The following SYNJ1 variants were observed in gnomAD, a reference collection of about 807,000 sequenced individuals.
SYNJ1 encodes polyphosphatidylinositol phosphatase SYNJ1.
SYNJ1 carries 78 observed loss-of-function variants against 168.2 expected under a neutral mutation model. The observed-to-expected ratio is 0.46, with a 90% CI of 0.39 to 0.56. SYNJ1 has a LOEUF of 0.56. SYNJ1 is among the 20% of genes least tolerant of loss of function. SYNJ1 has a pLI of 0.00. For missense variants in SYNJ1, 1,303 were observed against 1,597.6 expected (o/e 0.82, Z 3.14); for synonymous variants, 539 against 548.6 (o/e 0.98, Z 0.24).
intron 12 of SYNJ1, among the ~76,000 whole-genome samples, chr21:32,678,160 A>G (rs555489237): frequency 1.3e-5 from 2 of 152,282 alleles, no homozygotes; most frequent in African/African-American, 4.8e-5. Flanking sequence ...AATAATTAGC[A>G]CTACTTTAAA....
intron 6 of SYNJ1, among the ~76,000 whole-genome samples, chr21:32,689,935 C>T (rs1208145742): frequency 6.6e-6 from 1 of 152,214 alleles, no homozygotes; most frequent in Admixed American, 6.5e-5. Flanking sequence ...TTTTAGACTG[C>T]AGAAAACTCA....
rs2409460 is a variant in SYNJ1, at chr21:32,654,363, T to C, written c.2796-997A>G. Reference sequence around the variant, plus strand: ...ATCCCACAGATATGACCAAGGCAACTGACTCAATTTCTTTGGCATAAAACT... The same window carrying C: ...ATCCCACAGATATGACCAAGGCAACCGACTCAATTTCTTTGGCATAAAACT... On this transcript the variant is annotated intron_variant, in intron 21 of 32. Coordinates refer to ENST00000674351, the MANE Select transcript of SYNJ1 (RefSeq NM_203446.3). 9.7e-4 allele frequency among the ~76,000 whole-genome samples: 148 copies of C among 152,304 alleles called. 1 individual carries two copies. The South Asian group carries it at 0.029, about 30-fold the overall frequency.
rs368626597 is a variant in SYNJ1 at position 32,656,417 on chromosome 21, C to A, written c.2795+270G>T. On this transcript the variant is annotated intron_variant, in intron 21 of 32. Transcript: ENST00000674351. ...CATGAACACATGACTGCATTCCAGC[C>A]TGGGTGACTGGGTGAGACCCTGTCT... is the stretch of plus-strand genomic sequence containing the variant. 2.0e-5 allele frequency among the ~76,000 whole-genome samples: 3 copies of A among 152,126 alleles called. No individual in the cohort carries two copies. In the East Asian group the frequency reaches 5.8e-4, roughly 29 times the overall value.
rs1479472786 is a variant in SYNJ1, at chr21:32,629,733, G to A, written c.*2072C>T. 1 of 152,234 alleles carries A rather than the reference G, an allele frequency of 6.6e-6. No homozygotes were observed. The highest frequency in any genetic ancestry group is 2.1e-4 in the South Asian group (1 of 4,828). The allele number at this position is 152,234 out of a possible 1,614,324, so 9.4% of individuals were successfully genotyped here. ...CTATTGCTCAAGGAGTTTTCTGATT[G>A]GTTTACTTAATGATATCAAAATACT... is the stretch of plus-strand genomic sequence containing the variant. On this transcript the variant is annotated 3_prime_UTR_variant, in exon 33 of 33. Coordinates refer to ENST00000674351, the MANE Select transcript of SYNJ1 (RefSeq NM_203446.3).
chr21:32,648,667 T>C (rs895188845), intron 23 of SYNJ1, among the ~76,000 whole-genome samples: 2 of 152,246 alleles, frequency 1.3e-5, no homozygotes, highest in Non-Finnish European at 2.9e-5. Context: ...CAGGTCTGTA[T>C]TTCTCCATAT....
At chr21:32,653,580 C>G in intron 21 of SYNJ1, 1 of 481,642 alleles carries the variant, frequency 2.1e-6, no homozygotes. Flanking sequence ...GTTAATGGAA[C>G]AGCCACAAGA....
Position 32,638,973 on chromosome 21 carries a change from G to T in SYNJ1, c.3850C>A (p.Pro1284Thr). 1 of 1,614,064 alleles carries T rather than the reference G, an allele frequency of 6.2e-7. No individual in the cohort carries two copies. The highest frequency in any genetic ancestry group is 8.5e-7 in the Non-Finnish European group (1 of 1,179,936). ...GACCTGCTTCGAGGTGGTGGTTGTG[G>T]TGGGGTTTCCAAATTTGGCTGGGGG... ...SGPQPNLETP[P>T]QPPPRSRSSH... is the part of the protein sequence containing the mutation. Residue 1284 changes from proline (P) to threonine (T), a missense_variant, in exon 31 of 33, where the codon CCA (proline) becomes ACA (threonine). Physicochemically the swap from Pro to Thr is conservative, Grantham distance 38. Transcript: ENST00000674351.
intron 7 of SYNJ1, among the ~76,000 whole-genome samples, chr21:32,687,886 G>A (rs537603337): frequency 6.6e-6 from 1 of 152,086 alleles, no homozygotes; most frequent in Non-Finnish European, 1.5e-5. Context: ...ACAGATTTTG[G>A]TATGTGAGGG....
intron 29 of SYNJ1, 101 bp downstream of exon 29, chr21:32,641,795 G>C: frequency 1.4e-6 from 1 of 739,878 alleles, no homozygotes; most frequent in Non-Finnish European, 2.2e-6. Context: ...GGAAATTGAG[G>C]CCTTGAAGGG....
chr21:32,723,175 G>C (rs582547), intron 2 of SYNJ1, among the ~76,000 whole-genome samples: 1 of 152,004 alleles, frequency 6.6e-6, no homozygotes, highest in Non-Finnish European at 1.5e-5. Flanking sequence ...TAGTGAACAC[G>C]TGGGTCCCTA....
chr21:32,641,095 A>G lies in SYNJ1; in HGVS notation c.3588+801T>C, dbSNP rs139071305. The stretch of plus-strand genomic sequence containing the variant: ...TGTTAAGTGGACAGCTACAACAGAA[A>G]AGACAAAAAGCTTCTATCTTCATAG... On this transcript the variant is annotated intron_variant, in intron 29 of 32. Transcript: ENST00000674351. Among the ~76,000 whole-genome samples the G allele has an allele frequency of 2.6e-3, 394 of 152,314 alleles. 4 individuals carry two copies. Among genetic ancestry groups the G allele is most frequent in the African/African-American group, 9.2e-3 (382 of 41,570 alleles).
chr21:32,664,796 C>T, intron 18 of SYNJ1, 117 bp downstream of exon 18: 1 of 806,972 alleles, frequency 1.2e-6, no homozygotes. Context: ...TGTTTACCTA[C>T]AGATGCATAT....
intron 2 of SYNJ1, among the ~76,000 whole-genome samples, chr21:32,721,205 T>C (rs757614626): frequency 1.3e-4 from 20 of 152,320 alleles, no homozygotes; most frequent in African/African-American, 4.1e-4. Context: ...AGACATCAAA[T>C]TGCAATTTAA....
At chr21:32,640,784 C>T (rs1018647585) in intron 29 of SYNJ1, among the ~76,000 whole-genome samples, 2 of 152,090 alleles carry the variant, frequency 1.3e-5, no homozygotes, top group Admixed American at 6.5e-5. Context: ...CTCAATATTC[C>T]GAATTAAATA....
intron 23 of SYNJ1, among the ~76,000 whole-genome samples, 164 bp downstream of exon 23, chr21:32,650,020 G>A (rs2040216756): frequency 6.6e-6 from 1 of 152,170 alleles, no homozygotes; most frequent in African/African-American, 2.4e-5. Flanking sequence ...AAAGTGCTGT[G>A]ATTGCAGGCA....
At chr21:32,640,858 G>A (rs2145734936) in intron 29 of SYNJ1, among the ~76,000 whole-genome samples, 2 of 152,258 alleles carry the variant, frequency 1.3e-5, no homozygotes, top group East Asian at 3.9e-4. Flanking sequence ...AAGGATCTAA[G>A]CTAACAATAT....
At chr21:32,646,310 G>T in intron 24 of SYNJ1, 83 bp downstream of exon 24, 1 of 1,362,408 alleles carries the variant, frequency 7.3e-7, no homozygotes, top group Non-Finnish European at 1.0e-6. Context: ...TATCACCTAG[G>T]TATGAAACTT....
In SYNJ1 at chr21:32,639,044, A is replaced by G; in HGVS notation, c.3779T>C (p.Leu1260Ser). The change falls in exon 31 of 33, where the codon TTG becomes TCG. Residue 1260 changes from leucine to serine, a missense_variant. Leu to Ser is a moderately radical substitution (Grantham distance 145). Coordinates refer to ENST00000674351, the MANE Select transcript of SYNJ1 (RefSeq NM_203446.3). Reference protein sequence around the residue: ...QSSLPPPAQRLQEPLVPVAAP... With the variant: ...QSSLPPPAQRSQEPLVPVAAP... The stretch of plus-strand genomic sequence containing the variant: ...TGCCACAGGGACAAGAGGCTCTTGC[A>G]ACCTTTGAGCAGGCGGGGGCAAAGA... 1 of 1,614,062 alleles carries G rather than the reference A, an allele frequency of 6.2e-7. No individual in the cohort carries two copies. Among genetic ancestry groups the G allele is most frequent in the Non-Finnish European group, 8.5e-7 (1 of 1,179,942 alleles).
At chr21:32,659,989 A>G (rs1419315581) in intron 18 of SYNJ1, among the ~76,000 whole-genome samples, 1 of 152,192 alleles carries the variant, frequency 6.6e-6, no homozygotes. Context: ...GCCCCGGTCG[A>G]ACGCCTCACC....
Sources: allele counts gnomAD v4.1 joint callset (sites outside exome capture counted in the v4.1 genomes callset), GRCh38; gene constraint gnomAD v4.1.1; transcripts MANE v1.5; gene names NCBI Gene and HGNC (gene_info 2026-07-23, HGNC 2026-07-21).